SUSD3: variants seen among roughly 807,000 people sequenced by gnomAD.
The protein encoded by SUSD3 is sushi domain-containing protein 3.
A neutral mutation model predicts 20.6 loss-of-function variants in SUSD3; 18 were observed. That is an observed-to-expected ratio of 0.87 (90% CI 0.60 to 1.30). The LOEUF is 1.30. SUSD3 is among the 50% of genes most tolerant of loss of function. SUSD3 has a pLI of 0.00. For synonymous variants in SUSD3, 137 were observed against 141.5 expected (o/e 0.97, Z 0.23); for missense variants, 306 against 346.9 (o/e 0.88, Z 0.94).
chr9:93,068,092 T>G (rs974456784), intron 1 of SUSD3, among the ~76,000 whole-genome samples: 5 of 152,270 alleles, frequency 3.3e-5, no homozygotes, highest in Non-Finnish European at 5.9e-5. Context: ...TAATTCTTTA[T>G]ATGTTCTAGA....
rs766199842 is a variant in SUSD3, at chr9:93,079,603, G to C, written c.557+1G>C. ...CGCACGACAACCACAGCTTCACCAC[G>C]TGAGCCCGGGTCTGGGTAGGGGACA... On this transcript the variant is annotated splice_donor_variant, in intron 4 of 4. Coordinates refer to ENST00000375472, the MANE Select transcript of SUSD3 (RefSeq NM_145006.4). LOFTEE classifies it high-confidence loss of function. 1 of 1,613,484 alleles carries C rather than the reference G, an allele frequency of 6.2e-7. No homozygotes were observed. Among genetic ancestry groups the C allele is most frequent in the Non-Finnish European group, 8.5e-7 (1 of 1,179,878 alleles).
intron 1 of SUSD3, 48 bp from the exon 2 acceptor site, chr9:93,075,736 G>GCCC (rs766505876): frequency 7.3e-5 from 20 of 272,376 alleles, no homozygotes; most frequent in African/African-American, 2.9e-4. Flanking sequence ...TGCCCTGCGT[G>GCCC]CCCACCCCCC....
At chr9:93,063,538 G>T (rs914392817) in intron 1 of SUSD3, among the ~76,000 whole-genome samples, 1 of 152,182 alleles carries the variant, frequency 6.6e-6, no homozygotes, top group Non-Finnish European at 1.5e-5. Context: ...AGGGGGCATT[G>T]CCGGTCAGTG....
chr9:93,076,419 A>G (rs565562453), intron 2 of SUSD3, among the ~76,000 whole-genome samples: 2 of 152,332 alleles, frequency 1.3e-5, no homozygotes, highest in East Asian at 3.9e-4. Context: ...ACGGAAGGTC[A>G]TAACGTGCCT....
chr9:93,075,318 C>G (rs1826082792), intron 1 of SUSD3, among the ~76,000 whole-genome samples: 1 of 151,930 alleles, frequency 6.6e-6, no homozygotes, highest in African/African-American at 2.4e-5. Flanking sequence ...GAATTTTTCA[C>G]CTGAGTTGGT....
chr9:93,080,480 C>A (rs1826370324), intron 4 of SUSD3, among the ~76,000 whole-genome samples: 1 of 152,218 alleles, frequency 6.6e-6, no homozygotes, highest in South Asian at 2.1e-4. Flanking sequence ...GCATAGTCTT[C>A]TGAGGGTTCC....
At chr9:93,072,018 T>G (rs553577568) in intron 1 of SUSD3, among the ~76,000 whole-genome samples, 1 of 152,310 alleles carries the variant, frequency 6.6e-6, no homozygotes, top group South Asian at 2.1e-4. Flanking sequence ...TGAGCTTTGC[T>G]GTGCCTCAGT....
At chr9:93,064,656 C>T (rs1281289705) in intron 1 of SUSD3, among the ~76,000 whole-genome samples, 1 of 152,222 alleles carries the variant, frequency 6.6e-6, no homozygotes, top group African/African-American at 2.4e-5. Context: ...CATGAGCTCC[C>T]CACAGGGCTC....
At chr9:93,064,800 T>G (rs1825645857) in intron 1 of SUSD3, among the ~76,000 whole-genome samples, 1 of 152,044 alleles carries the variant, frequency 6.6e-6, no homozygotes, top group African/African-American at 2.4e-5. Context: ...CCTGTTGTGG[T>G]ATTTGTAGGT....
chr9:93,069,523 G>A (rs1224153609), intron 1 of SUSD3, among the ~76,000 whole-genome samples: 1 of 152,156 alleles, frequency 6.6e-6, no homozygotes, highest in Non-Finnish European at 1.5e-5. Flanking sequence ...AGTTTTCAGA[G>A]TATGTGTTTT....
chr9:93,082,802 G>C (rs1273777541), intron 4 of SUSD3, among the ~76,000 whole-genome samples: 1 of 152,186 alleles, frequency 6.6e-6, no homozygotes, highest in Non-Finnish European at 1.5e-5. Context: ...TGGAATGGGG[G>C]AAGGAACAAT....
chr9:93,066,784 C>T (rs917460695), intron 1 of SUSD3, among the ~76,000 whole-genome samples: 4 of 152,080 alleles, frequency 2.6e-5, no homozygotes, highest in Admixed American at 2.0e-4. Flanking sequence ...TCTTGGCTCA[C>T]TGCAACCTCC....
At chr9:93,070,921 C>A (rs1295702281) in intron 1 of SUSD3, among the ~76,000 whole-genome samples, 7 of 152,134 alleles carry the variant, frequency 4.6e-5, no homozygotes, top group Admixed American at 4.6e-4. Context: ...TTGTTATTGT[C>A]ACCTTGGGGC....
intron 1 of SUSD3, among the ~76,000 whole-genome samples, chr9:93,074,798 A>G (rs1826061721): frequency 6.6e-6 from 1 of 151,792 alleles, no homozygotes; most frequent in South Asian, 2.1e-4. Context: ...TATTTTTAGT[A>G]GAGATGGGGT....
chr9:93,060,276 T>TC (rs1479030403), intron 1 of SUSD3, among the ~76,000 whole-genome samples: 4 of 151,928 alleles, frequency 2.6e-5, no homozygotes, highest in African/African-American at 9.7e-5. Flanking sequence ...TGGGTTAGGA[T>TC]CCCCCCTGTG....
At chr9:93,076,945 G>T (rs538269621) in intron 2 of SUSD3, among the ~76,000 whole-genome samples, 5 of 152,228 alleles carry the variant, frequency 3.3e-5, no homozygotes, top group Non-Finnish European at 7.3e-5. Context: ...CTCAGGGAAG[G>T]TTCTTAGAAG....
intron 1 of SUSD3, 31 bp from the exon 2 acceptor site, chr9:93,075,753 C>T (rs769931866): frequency 8.7e-5 from 29 of 334,014 alleles, no homozygotes; most frequent in African/African-American, 4.7e-4. Flanking sequence ...CCCCCCCCCC[C>T]GCCATGCCTC....
chr9:93,079,708 C>A, intron 4 of SUSD3, 106 bp downstream of exon 4: 1 of 1,229,102 alleles, frequency 8.1e-7, no homozygotes, highest in Non-Finnish European at 1.1e-6. Context: ...GCTGCTCCCA[C>A]ACGCCTAGCC....
chr9:93,071,399 A>G (rs1825906555), intron 1 of SUSD3, among the ~76,000 whole-genome samples: 1 of 152,198 alleles, frequency 6.6e-6, no homozygotes, highest in Non-Finnish European at 1.5e-5. Flanking sequence ...AAGCTGAAGA[A>G]CTTGGAGTCT....
Sources: allele counts gnomAD v4.1 joint callset (sites outside exome capture counted in the v4.1 genomes callset), GRCh38; gene constraint gnomAD v4.1.1; transcripts MANE v1.5; gene names NCBI Gene and HGNC (gene_info 2026-07-23, HGNC 2026-07-21).